Variants in DNAH10 observed in about 807,000 individuals in gnomAD.
DNAH10 encodes axonemal beta dynein heavy chain 10.
In DNAH10, 348 loss-of-function variants were observed where a neutral mutation model predicts 506.6. The observed-to-expected ratio is 0.69, with a 90% CI of 0.63 to 0.75. DNAH10 has a LOEUF of 0.75. Ranked by LOEUF, DNAH10 falls within the 30% of genes least tolerant of loss-of-function variation. The pLI, the probability that DNAH10 is intolerant of heterozygous loss-of-function variation, is 0.00. For missense variants in DNAH10, 5,179 were observed against 5,787.1 expected (o/e 0.89, Z 3.41); for synonymous variants, 2,059 against 2,198.6 (o/e 0.94, Z 1.78).
rs546641288 is a variant in DNAH10 at position 123,841,429 on chromosome 12, C to T, written c.5244C>T (p.Ile1748=). The change falls in exon 30 of 79, where the codon ATC becomes ATT. Residue 1748 remains isoleucine (I), a synonymous_variant. Coordinates refer to ENST00000673944, the MANE Select transcript of DNAH10 (RefSeq NM_001372106.1). ...AEGEVMEFRK[I]LRAEGRVEDW... ...GAGAAGTCATGGAGTTTCGGAAGATCTTGCGGGCTGAAGGGCGCGTGGAGG... is the reference window on the plus strand; with the variant it reads ...GAGAAGTCATGGAGTTTCGGAAGATTTTGCGGGCTGAAGGGCGCGTGGAGG... 2.8e-5 allele frequency: 45 copies of T among 1,613,944 alleles called. No homozygotes were observed. The highest frequency in any genetic ancestry group is 1.7e-4 in the African/African-American group (13 of 75,026).
chr12:123,833,699 G>A (rs1007813912), intron 27 of DNAH10, among the ~76,000 whole-genome samples: 1 of 151,864 alleles, frequency 6.6e-6, no homozygotes, highest in African/African-American at 2.4e-5. Flanking sequence ...ATTCCTTTTC[G>A]ATTTCTCTAC....
At chr12:123,931,070 C>T (rs1955183162) in intron 73 of DNAH10, among the ~76,000 whole-genome samples, 1 of 151,994 alleles carries the variant, frequency 6.6e-6, no homozygotes, top group Non-Finnish European at 1.5e-5. Context: ...AAAATATTAG[C>T]TGAGTGTGGT....
chr12:123,914,675 C>T, intron 61 of DNAH10, 125 bp downstream of exon 61: 1 of 1,393,206 alleles, frequency 7.2e-7, no homozygotes, highest in South Asian at 1.4e-5. Context: ...GGCTCGACTG[C>T]ATGGAAGTGG....
At chr12:123,863,469 C>A (rs565511473) in intron 39 of DNAH10, among the ~76,000 whole-genome samples, 1 of 152,208 alleles carries the variant, frequency 6.6e-6, no homozygotes, top group South Asian at 2.1e-4. Context: ...TCTCATAGTT[C>A]TGGAGGCCAA....
intron 42 of DNAH10, 106 bp from the exon 43 acceptor site, chr12:123,867,797 T>G: frequency 1.5e-6 from 2 of 1,349,698 alleles, no homozygotes; most frequent in Non-Finnish European, 2.0e-6. Context: ...ATGTTGGGTC[T>G]TATGCTCCCA....
At chr12:123,772,768 A>C (rs563128141) in intron 3 of DNAH10, 66 bp from the exon 4 acceptor site, 14 of 1,221,088 alleles carry the variant, frequency 1.1e-5, no homozygotes, top group Non-Finnish European at 1.6e-5. Flanking sequence ...GTGTACTTGA[A>C]TATTAGGTTC....
chr12:123,768,069 C>T (rs1019713867), intron 2 of DNAH10, among the ~76,000 whole-genome samples: 2 of 152,058 alleles, frequency 1.3e-5, no homozygotes, highest in African/African-American at 2.4e-5. Context: ...CTACATCCAT[C>T]GTCACATGGC....
Position 123,925,303 on chromosome 12 carries a change from C to A in DNAH10, c.11921+99C>A, listed in dbSNP as rs537244169. The A allele has an allele frequency of 6.5e-7, 1 of 1,536,510 alleles. No individual in the cohort carries two copies. The highest frequency in any genetic ancestry group is 2.3e-5 in the East Asian group (1 of 44,124). ...AAGAAAGCAGAGGCTGACCAGCTCC[C>A]GAGACAGCTGTCGCCACCCTGCTGT... On this transcript the variant is annotated intron_variant, in intron 68 of 78. Transcript: ENST00000673944. The surrounding 1 kb of genome is among the most constrained non-coding windows in gnomAD (Gnocchi z 4.0).
intron 5 of DNAH10, among the ~76,000 whole-genome samples, chr12:123,777,915 G>A (rs7136121): frequency 0.74 from 112,060 of 151,876 alleles, 41,990 homozygotes; most frequent in East Asian, 1. Flanking sequence ...TGCCCTCCTC[G>A]GCCTCCCAAA....
chr12:123,863,513 C>G (rs1951687329), intron 39 of DNAH10, among the ~76,000 whole-genome samples: 1 of 152,186 alleles, frequency 6.6e-6, no homozygotes, highest in Admixed American at 6.5e-5. Context: ...GGACTGCACT[C>G]CCTCCGAAGG....
rs766566690 is a variant in DNAH10, at chr12:123,930,459, A to G, written c.12670A>G (p.Met4224Val). 1.2e-6 allele frequency: 2 copies of G among 1,606,462 alleles called. No homozygotes were observed. The highest frequency in any genetic ancestry group is 1.7e-5 in the Admixed American group (1 of 58,114). Residue 4224 changes from methionine to valine, a missense_variant, in exon 73 of 79, where the codon ATG becomes GTG. Transcript: ENST00000673944. ...TGATCGCCGCATCCTGACCATCTAC[A>G]TGGATGAGTACCTGGGGGACTTCAT... ...SFDRRILTIY[M>V]DEYLGDFIFD...
chr12:123,906,838 T>C (rs1161609758), intron 57 of DNAH10, among the ~76,000 whole-genome samples: 1 of 152,232 alleles, frequency 6.6e-6, no homozygotes, highest in Non-Finnish European at 1.5e-5. Flanking sequence ...AAGCGCTTCC[T>C]TCTTATCATA....
intron 1 of DNAH10, among the ~76,000 whole-genome samples, chr12:123,766,169 CTCTA>C (rs1202474090): frequency 1.3e-5 from 2 of 152,062 alleles, no homozygotes; most frequent in East Asian, 3.9e-4. Flanking sequence ...ATCTATCTCT[CTCTA>C]TCTATACATC....
chr12:123,771,722 T>C lies in DNAH10; in HGVS notation c.396+24T>C, dbSNP rs779500040. On this transcript the variant is annotated intron_variant, in intron 3 of 78. Coordinates refer to ENST00000673944, the MANE Select transcript of DNAH10 (RefSeq NM_001372106.1). ...AAGTAAGCATGGCTCTTTGTCCTTGTTGGTGGGGTAATGGGGACCCTTGAT... is the reference window on the plus strand; with the variant it reads ...AAGTAAGCATGGCTCTTTGTCCTTGCTGGTGGGGTAATGGGGACCCTTGAT... The C allele has an allele frequency of 1.1e-5, 18 of 1,584,750 alleles. No homozygotes were observed. In the South Asian group the frequency reaches 1.9e-4, roughly 17 times the overall value.
intron 28 of DNAH10, 90 bp from the exon 29 acceptor site, chr12:123,838,366 G>T (rs1333885326): frequency 1.7e-5 from 20 of 1,171,890 alleles, no homozygotes; most frequent in Non-Finnish European, 2.2e-5. Flanking sequence ...CCGTGCCTGG[G>T]CTCTGGTGAG....
At chr12:123,895,723 T>C (rs1342022073) in intron 54 of DNAH10, among the ~76,000 whole-genome samples, 1 of 152,198 alleles carries the variant, frequency 6.6e-6, no homozygotes, top group Non-Finnish European at 1.5e-5. Flanking sequence ...GCCGTTTCCA[T>C]GTGTGAAGTG....
At chr12:123,838,338 T>C in intron 28 of DNAH10, 118 bp from the exon 29 acceptor site, 1 of 798,214 alleles carries the variant, frequency 1.3e-6, no homozygotes, top group Non-Finnish European at 2.0e-6. Context: ...ACTGGGCAGC[T>C]TGTCAGTTTT....
intron 5 of DNAH10, among the ~76,000 whole-genome samples, chr12:123,776,816 A>G (rs750347838): frequency 1.3e-5 from 2 of 152,180 alleles, no homozygotes; most frequent in African/African-American, 4.8e-5. Flanking sequence ...ACTGTATTTC[A>G]TAGCAATGAA....
At chr12:123,930,906 T>C (rs10846580) in intron 73 of DNAH10, among the ~76,000 whole-genome samples, 66,357 of 151,964 alleles carry the variant, frequency 0.44, 17,140 homozygotes, top group African/African-American at 0.73. Flanking sequence ...TGTCATTGGC[T>C]GGTCATGGTG....
Sources: gnomAD v4.1 joint callset for allele counts (sites outside exome capture counted in the v4.1 genomes callset) on GRCh38, gnomAD v4.1.1 for gene constraint, Gnocchi (gnomAD v3.1) non-coding constraint, MANE v1.5 for transcripts, NCBI Gene and HGNC (gene_info 2026-07-23, HGNC 2026-07-21) for gene names.